Variants in RASSF3 observed in about 807,000 individuals in gnomAD.
RASSF3 encodes the protein Ras association domain family member 3.
In RASSF3, 19 loss-of-function variants were observed where a neutral mutation model predicts 19.9. The observed-to-expected ratio is 0.96, with a 90% CI of 0.67 to 1.40. RASSF3 has a LOEUF of 1.40. Among genes scored for constraint, RASSF3 ranks in the 40% most tolerant of loss-of-function variants. The pLI, the probability that RASSF3 is intolerant of heterozygous loss-of-function variation, is 0.00. For synonymous variants in RASSF3, 110 were observed against 104.2 expected, an observed-to-expected ratio of 1.06 and a Z score of -0.34; for missense variants, 306 against 289.8, an observed-to-expected ratio of 1.06 and a Z score of -0.41.
chr12:64,610,701 C>CA lies in RASSF3; in HGVS notation c.69_70insA (p.Phe24IlefsTer17). On this transcript the variant is annotated frameshift_variant, in exon 1 of 5. Coordinates refer to ENST00000542104, the MANE Select transcript of RASSF3 (RefSeq NM_178169.4). LOFTEE classifies it high-confidence loss of function. ...TCTTCTTCACCGCCAGGACCTCCTT[C>CA]TTCAGGAGAGCGCCCCAGGGCAAGC... The CA allele has an allele frequency of 6.3e-7, 1 of 1,595,856 alleles. No homozygotes were observed. The highest frequency in any genetic ancestry group is 8.5e-7 in the Non-Finnish European group (1 of 1,172,848).
intron 1 of RASSF3, among the ~76,000 whole-genome samples, chr12:64,676,166 A>ATTTTTTTT (rs35376691): frequency 3.8e-5 from 4 of 106,404 alleles, no homozygotes; most frequent in Non-Finnish European, 5.5e-5. Context: ...CAGGAGTAGA[A>ATTTTTTTT]TTTTTTTTTT....
chr12:64,525,601 C>T (rs905081433), intron 1 of RASSF3, among the ~76,000 whole-genome samples: 1 of 152,158 alleles, frequency 6.6e-6, no homozygotes, highest in Non-Finnish European at 1.5e-5. Context: ...TCAGTTCCAT[C>T]TCATTGGCCT....
intron 1 of RASSF3, among the ~76,000 whole-genome samples, chr12:64,676,192 G>A (rs1872894664): frequency 9.5e-6 from 1 of 104,776 alleles, no homozygotes; most frequent in Non-Finnish European, 1.9e-5. Context: ...TTTTTTTTGA[G>A]ACGGAGTTTC....
intron 2 of RASSF3, among the ~76,000 whole-genome samples, chr12:64,561,995 T>TTATA: frequency 1.0e-5 from 1 of 97,710 alleles, no homozygotes; most frequent in Non-Finnish European, 2.7e-5. Flanking sequence ...TAGTATTTAT[T>TTATA]TATTTATTTA....
chr12:64,648,822 T>TTTTTC (rs1555214230), intron 1 of RASSF3, among the ~76,000 whole-genome samples: 20 of 149,742 alleles, frequency 1.3e-4, no homozygotes, highest in Non-Finnish European at 1.3e-4. Flanking sequence ...TTTTTTTTTT[T>TTTTTC]AGAGATAGGG....
At chr12:64,627,460 G>A (rs2136170079) in intron 1 of RASSF3, among the ~76,000 whole-genome samples, 1 of 152,288 alleles carries the variant, frequency 6.6e-6, no homozygotes, top group Non-Finnish European at 1.5e-5. Context: ...TTAGCTTTAA[G>A]CCTTCCAGAT....
chr12:64,544,490 G>A (rs1869017302), downstream of RASSF3, among the ~76,000 whole-genome samples: 3 of 152,228 alleles, frequency 2.0e-5, no homozygotes, highest in Middle Eastern at 3.4e-3. Context: ...AGTGGTGCAC[G>A]CCTGTGGTCC....
rs569373394 is a variant in RASSF3 at position 64,587,032 on chromosome 12, C to T, written c.294+45327C>T. Among the ~76,000 whole-genome samples the T allele has an allele frequency of 7.7e-5, 11 of 142,884 alleles. No individual in the cohort carries two copies. The East Asian group carries it at 2.1e-3, about 28-fold the overall frequency. 93.7% of individuals were successfully genotyped at this position (142,884 alleles called of 152,430 possible). On this transcript the variant is annotated intron_variant, in intron 2 of 5. Coordinates refer to the RASSF3 transcript ENST00000637125. ...TTCTTTAAAATCTATTTTCCATATT[C>T]CTCGTATTCCTCGCCTCACTTTTTT...
intron 2 of RASSF3, among the ~76,000 whole-genome samples, chr12:64,551,671 G>C (rs1156997386): frequency 6.6e-6 from 1 of 152,156 alleles, no homozygotes; most frequent in Admixed American, 6.5e-5. Flanking sequence ...ACTTAGCCTG[G>C]TGTTTGGTGG....
At chr12:64,548,969 A>G (rs1300995059) in intron 2 of RASSF3, among the ~76,000 whole-genome samples, 1 of 152,100 alleles carries the variant, frequency 6.6e-6, no homozygotes, top group Non-Finnish European at 1.5e-5. Flanking sequence ...TTCACAATCA[A>G]TTGTCTTCAA....
intron 1 of RASSF3, among the ~76,000 whole-genome samples, chr12:64,614,039 C>CA (rs1870465458): frequency 6.6e-6 from 1 of 151,882 alleles, no homozygotes. Context: ...CGCAGGGTCT[C>CA]GATCAGTACC....
rs146769521 is a variant in RASSF3, at chr12:64,568,457, A to G, written c.294+26752A>G. On this transcript the variant is annotated intron_variant, in intron 2 of 5. Transcript: ENST00000637125. ...ACAGAGGCCTTGATAAGGATCATTC[A>G]TCCTCATTCAAGTTGGGTGGGGCCA... Among the ~76,000 whole-genome samples the G allele has an allele frequency of 8.0e-3, 1,224 of 152,272 alleles. 14 individuals are homozygous for G. The highest frequency in any genetic ancestry group is 0.028 in the African/African-American group (1,176 of 41,552).
At chr12:64,515,159 C>T (rs768728525) in intron 1 of RASSF3, among the ~76,000 whole-genome samples, 1 of 152,038 alleles carries the variant, frequency 6.6e-6, no homozygotes, top group Non-Finnish European at 1.5e-5. Flanking sequence ...CGTGTTCAAG[C>T]GATTCTCCTG....
intron 1 of RASSF3, among the ~76,000 whole-genome samples, chr12:64,678,931 G>A (rs768273246): frequency 2.6e-5 from 4 of 152,190 alleles, no homozygotes; most frequent in Non-Finnish European, 4.4e-5. Flanking sequence ...CTCTGGTCAC[G>A]CAGCTAGAAT....
At chr12:64,646,378 A>G (rs75045556) in intron 1 of RASSF3, among the ~76,000 whole-genome samples, 2 of 152,178 alleles carry the variant, frequency 1.3e-5, no homozygotes, top group African/African-American at 4.8e-5. Flanking sequence ...CAGTCTCTTT[A>G]GTTGTTCCAT....
In RASSF3 at chr12:64,633,873, C is replaced by T. The variant is rs116557521; in HGVS notation, c.111+23130C>T. On this transcript the variant is annotated intron_variant, in intron 1 of 4. Transcript: ENST00000542104. ...AATATGGACCAAGTGGGGTGGCTCACGCCTATAGTCAGCACTTTGGGAGGC... is the reference window on the plus strand; with the variant it reads ...AATATGGACCAAGTGGGGTGGCTCATGCCTATAGTCAGCACTTTGGGAGGC... Among the ~76,000 whole-genome samples the T allele has an allele frequency of 3.6e-3, 555 of 152,274 alleles. 5 individuals carry two copies. Among genetic ancestry groups the T allele is most frequent in the African/African-American group, 0.012 (494 of 41,548 alleles).
intron 1 of RASSF3, among the ~76,000 whole-genome samples, chr12:64,641,899 C>A (rs898385763): frequency 6.6e-6 from 1 of 151,802 alleles, no homozygotes; most frequent in Non-Finnish European, 1.5e-5. Context: ...TGTGCCACCA[C>A]GCCCGGCTAA....
At chr12:64,547,813 A>C (rs537922086) in intron 2 of RASSF3, among the ~76,000 whole-genome samples, 1 of 152,256 alleles carries the variant, frequency 6.6e-6, no homozygotes, top group African/African-American at 2.4e-5. Flanking sequence ...TATTGCATAT[A>C]TTTTTGTGAT....
At chr12:64,588,889 C>T (rs1869863651) in intron 2 of RASSF3, among the ~76,000 whole-genome samples, 1 of 152,034 alleles carries the variant, frequency 6.6e-6, no homozygotes, top group East Asian at 1.9e-4. Context: ...CATAAAGACC[C>T]TCTTTATGTA....
Sources: allele counts gnomAD v4.1 joint callset (sites outside exome capture counted in the v4.1 genomes callset), GRCh38; gene constraint gnomAD v4.1.1; transcripts MANE v1.5; gene names NCBI Gene and HGNC (gene_info 2026-07-23, HGNC 2026-07-21).